DRC4: variants seen among roughly 807,000 people sequenced by gnomAD.
The protein encoded by DRC4 is dynein regulatory complex subunit 4.
At chr16:90,022,662 T>G in the DRC4 span, 1 of 1,416,132 alleles carries the variant, frequency 7.1e-7, no homozygotes, top group South Asian at 1.4e-5. Flanking sequence ...GGAAACGGCG[T>G]GGCTTCCGGG....
chr16:90,020,305 CA>C, the DRC4 span: 14,954 of 287,456 alleles, frequency 0.052, no homozygotes, highest in East Asian at 0.076. Flanking sequence ...TTGTATGTCT[CA>C]AAAAAAAAAA....
chr16:90,031,804 C>T, the DRC4 span, among the ~76,000 whole-genome samples: 6 of 152,266 alleles, frequency 3.9e-5, no homozygotes, highest in African/African-American at 1.4e-4. Context: ...CTGCTCTGTG[C>T]CTCAAGTGTA....
chr16:90,043,487 T>A, the DRC4 span: 1 of 886,064 alleles, frequency 1.1e-6, no homozygotes, highest in South Asian at 1.8e-5. Flanking sequence ...CCATCCTCTT[T>A]CCTGGCTCTG....
chr16:90,036,685 A>G, the DRC4 span: 1 of 963,690 alleles, frequency 1.0e-6, no homozygotes, highest in Non-Finnish European at 1.6e-6. Flanking sequence ...CCACCCCAAC[A>G]CACCCAGTAC....
At chr16:90,032,238 G>T in the DRC4 span, among the ~76,000 whole-genome samples, 1 of 150,908 alleles carries the variant, frequency 6.6e-6, no homozygotes, top group Non-Finnish European at 1.5e-5. Context: ...ATACAGGAAT[G>T]TACAAGTGAG....
At chr16:90,040,697 C>T in the DRC4 span, among the ~76,000 whole-genome samples, 1 of 151,828 alleles carries the variant, frequency 6.6e-6, no homozygotes, top group South Asian at 2.1e-4. Flanking sequence ...GCAGGGGAAC[C>T]AGATCAGGGC....
chr16:90,026,369 C>T, the DRC4 span, among the ~76,000 whole-genome samples: 2 of 152,114 alleles, frequency 1.3e-5, no homozygotes, highest in South Asian at 2.1e-4. Context: ...TGTGCAGTTC[C>T]GTCTGGCAGC....
At chr16:90,037,525 C>G in the DRC4 span, 1 of 1,136,940 alleles carries the variant, frequency 8.8e-7, no homozygotes, top group Non-Finnish European at 1.2e-6. Flanking sequence ...CTGCATTTCT[C>G]CTTTCTCTGC....
At chr16:90,044,664 C>T in the DRC4 span, 2 of 466,234 alleles carry the variant, frequency 4.3e-6, no homozygotes, top group South Asian at 3.1e-5. Context: ...GACCAGAAGC[C>T]CCCCACCCCA....
chr16:90,037,268 C>A, the DRC4 span: 1 of 1,613,350 alleles, frequency 6.2e-7, no homozygotes, highest in Non-Finnish European at 8.5e-7. Context: ...GGAGGACCAC[C>A]TGGAGAGGGA....
the DRC4 span, among the ~76,000 whole-genome samples, chr16:90,028,309 C>G: frequency 6.6e-6 from 1 of 151,252 alleles, no homozygotes; most frequent in Non-Finnish European, 1.5e-5. Context: ...CTCAGCCTCC[C>G]GAGTAGCTGG....
At chr16:90,025,183 A>AT in the DRC4 span, among the ~76,000 whole-genome samples, 4 of 149,956 alleles carry the variant, frequency 2.7e-5, no homozygotes, top group Admixed American at 6.6e-5. Context: ...CGCCTGGCTA[A>AT]TTTTTTTGTA....
the DRC4 span, chr16:90,043,826 T>G: frequency 4.3e-6 from 2 of 468,198 alleles, no homozygotes; most frequent in Non-Finnish European, 8.9e-6. Flanking sequence ...TGCTCCCTGA[T>G]GAGCACAAAG....
chr16:90,029,611 C>T, the DRC4 span: 4 of 259,712 alleles, frequency 1.5e-5, no homozygotes, highest in Admixed American at 5.3e-5. Context: ...CATGTCTGCC[C>T]GGCATCCTCG....
the DRC4 span, among the ~76,000 whole-genome samples, chr16:90,020,600 T>C: frequency 6.6e-6 from 1 of 152,214 alleles, no homozygotes; most frequent in African/African-American, 2.4e-5. Context: ...AAAGGCTCTT[T>C]TCTAAAAATC....
chr16:90,028,172 C>CTT, the DRC4 span, among the ~76,000 whole-genome samples: 1 of 75,004 alleles, frequency 1.3e-5, no homozygotes, highest in Admixed American at 1.4e-4. Context: ...ATTAATCGTT[C>CTT]ATTTTTTTTT....
chr16:90,026,623 T>A, the DRC4 span, among the ~76,000 whole-genome samples: 1 of 152,204 alleles, frequency 6.6e-6, no homozygotes, highest in East Asian at 1.9e-4. Flanking sequence ...TCCTCTGTTT[T>A]GCATCCACAG....
chr16:90,042,538 A>C, the DRC4 span: 1 of 1,613,098 alleles, frequency 6.2e-7, no homozygotes, highest in Non-Finnish European at 8.5e-7. Context: ...TCTGTAAGGT[A>C]CGGCTGTGCC....
At chr16:90,027,198 G>A in the DRC4 span, among the ~76,000 whole-genome samples, 2 of 151,548 alleles carry the variant, frequency 1.3e-5, no homozygotes, top group Non-Finnish European at 2.9e-5. Context: ...CCATTCTCCT[G>A]CCTCAGCCTC....
Sources: allele counts gnomAD v4.1 joint callset (sites outside exome capture counted in the v4.1 genomes callset), GRCh38; gene constraint gnomAD v4.1.1; transcripts MANE v1.5; gene names NCBI Gene and HGNC (gene_info 2026-07-23, HGNC 2026-07-21).